ANTXR2: variants seen among roughly 807,000 people sequenced by gnomAD.
The protein encoded by ANTXR2 is ANTXR cell adhesion molecule 2.
In ANTXR2, 44 loss-of-function variants were observed where a neutral mutation model predicts 73.7. The ratio of observed to expected loss-of-function variants is 0.60; its 90% CI spans 0.47 to 0.77. The LOEUF (loss-of-function observed/expected upper bound fraction) is 0.77. Among genes scored for constraint, ANTXR2 ranks in the 30% least tolerant of loss-of-function variants. ANTXR2 has a pLI of 0.00. For synonymous variants in ANTXR2, 217 were observed against 205.9 expected, an observed-to-expected ratio of 1.05 and a Z score of -0.46; for missense variants, 604 against 592.5, an observed-to-expected ratio of 1.02 and a Z score of -0.20.
At chr4:80,070,455 G>A (rs1427738153) in intron 2 of ANTXR2, among the ~76,000 whole-genome samples, 2 of 152,142 alleles carry the variant, frequency 1.3e-5, no homozygotes, top group African/African-American at 4.8e-5. Flanking sequence ...TCACATTGAA[G>A]GATTAAATTA....
intron 16 of ANTXR2, among the ~76,000 whole-genome samples, chr4:79,928,204 T>G (rs1727899753): frequency 6.6e-6 from 1 of 152,180 alleles, no homozygotes; most frequent in Non-Finnish European, 1.5e-5. Context: ...TAGATACATG[T>G]TACAACATGA....
rs188161319 is a variant in ANTXR2 at position 80,040,825 on chromosome 4, C to G, written c.637-4793G>C. ...ATATCACCATGAAAAAGTATACTAT[C>G]GAAGCATCTGTTCACCCAAAAAGTA... On this transcript the variant is annotated intron_variant, in intron 7 of 16. Coordinates refer to ENST00000403729, the MANE Select transcript of ANTXR2 (RefSeq NM_058172.6). Among the ~76,000 whole-genome samples, 8 of 151,648 alleles carry G rather than the reference C, an allele frequency of 5.3e-5. No individual in the cohort carries two copies. The South Asian group carries it at 1.5e-3, about 28-fold the overall frequency.
At chr4:80,054,977 C>T (rs1427597948) in intron 6 of ANTXR2, among the ~76,000 whole-genome samples, 173 bp downstream of exon 6, 1 of 151,666 alleles carries the variant, frequency 6.6e-6, no homozygotes, top group Non-Finnish European at 1.5e-5. Context: ...AGTAACAAAA[C>T]CTATTAAAAT....
At chr4:80,036,400 G>C (rs1732959673) in intron 7 of ANTXR2, among the ~76,000 whole-genome samples, 1 of 152,162 alleles carries the variant, frequency 6.6e-6, no homozygotes. Context: ...TAACAAATCA[G>C]ACCCCCTGTT....
At chr4:80,038,271 T>A (rs1437823969) in intron 7 of ANTXR2, among the ~76,000 whole-genome samples, 1 of 152,166 alleles carries the variant, frequency 6.6e-6, no homozygotes, top group Non-Finnish European at 1.5e-5. Flanking sequence ...TCAATCAGAT[T>A]TCATAATATT....
chr4:80,011,019 C>T (rs543133691), intron 11 of ANTXR2, among the ~76,000 whole-genome samples: 2 of 151,656 alleles, frequency 1.3e-5, no homozygotes, highest in African/African-American at 4.8e-5. Flanking sequence ...TGGTGGTGGG[C>T]GCCTGTAGTC....
At chr4:79,932,205 C>T (rs1354704260) in intron 16 of ANTXR2, among the ~76,000 whole-genome samples, 3 of 152,040 alleles carry the variant, frequency 2.0e-5, no homozygotes, top group African/African-American at 7.2e-5. Flanking sequence ...GGCACTCATA[C>T]ATAATATATG....
At chr4:80,005,078 T>C (rs1731241208) in intron 12 of ANTXR2, among the ~76,000 whole-genome samples, 1 of 152,194 alleles carries the variant, frequency 6.6e-6, no homozygotes, top group Admixed American at 6.6e-5. Context: ...TGACTTAATA[T>C]TTCATATTTT....
intron 16 of ANTXR2, among the ~76,000 whole-genome samples, chr4:79,971,699 G>T (rs1162122407): frequency 2.3e-5 from 1 of 43,556 alleles, no homozygotes; most frequent in Non-Finnish European, 4.3e-5. Context: ...ATGGTGCTGG[G>T]AAAACTGGCT....
chr4:80,061,372 C>A (rs965996021), intron 3 of ANTXR2, among the ~76,000 whole-genome samples: 2 of 152,032 alleles, frequency 1.3e-5, no homozygotes. Flanking sequence ...AAGCCTCACA[C>A]ACTCATGTTG....
chr4:80,034,617 T>A (rs2110085651), intron 8 of ANTXR2, among the ~76,000 whole-genome samples: 1 of 152,288 alleles, frequency 6.6e-6, no homozygotes, highest in African/African-American at 2.4e-5. Context: ...ACTTAAATTC[T>A]ATTTTTCTTA....
intron 10 of ANTXR2, among the ~76,000 whole-genome samples, chr4:80,022,428 G>T (rs952262477): frequency 6.6e-6 from 1 of 152,110 alleles, no homozygotes; most frequent in Admixed American, 6.6e-5. Flanking sequence ...TATGGTACTG[G>T]CACCATCATT....
At chr4:80,045,016 T>C (rs1224754430) in intron 7 of ANTXR2, among the ~76,000 whole-genome samples, 1 of 151,820 alleles carries the variant, frequency 6.6e-6, no homozygotes, top group African/African-American at 2.4e-5. Flanking sequence ...TGAGAAGTTA[T>C]TTGAATTAAT....
intron 12 of ANTXR2, among the ~76,000 whole-genome samples, chr4:79,993,855 G>A (rs1730603157): frequency 6.6e-6 from 1 of 151,342 alleles, no homozygotes; most frequent in South Asian, 2.1e-4. Flanking sequence ...TATCTACTGA[G>A]TCTACCAATC....
chr4:79,975,037 C>T (rs1219719770), intron 16 of ANTXR2, among the ~76,000 whole-genome samples: 1 of 152,136 alleles, frequency 6.6e-6, no homozygotes, highest in African/African-American at 2.4e-5. Context: ...TCTAAACTCA[C>T]ATATTTCTTC....
intron 3 of ANTXR2, among the ~76,000 whole-genome samples, chr4:80,066,522 A>T (rs1734502835): frequency 6.6e-6 from 1 of 152,250 alleles, no homozygotes; most frequent in South Asian, 2.1e-4. Flanking sequence ...CTTTTGGAAT[A>T]TTATAAATCC....
At chr4:79,989,859 T>C (rs1363376113) in intron 12 of ANTXR2, among the ~76,000 whole-genome samples, 1 of 152,080 alleles carries the variant, frequency 6.6e-6, no homozygotes, top group African/African-American at 2.4e-5. Flanking sequence ...ATTCATTACA[T>C]GAACAGAACT....
intron 11 of ANTXR2, among the ~76,000 whole-genome samples, chr4:80,011,610 T>A (rs1341181932): frequency 6.6e-6 from 1 of 152,244 alleles, no homozygotes; most frequent in Non-Finnish European, 1.5e-5. Context: ...GATATAGATC[T>A]ATATGTAATC....
At chr4:80,008,676 T>C in intron 11 of ANTXR2, 60 bp from the exon 12 acceptor site, 3 of 1,060,272 alleles carry the variant, frequency 2.8e-6, no homozygotes, top group Non-Finnish European at 4.0e-6. Context: ...AAATTCCAAA[T>C]GTATATATAT....
Sources: gnomAD v4.1 joint callset for allele counts (sites outside exome capture counted in the v4.1 genomes callset) on GRCh38, gnomAD v4.1.1 for gene constraint, MANE v1.5 for transcripts, NCBI Gene and HGNC (gene_info 2026-07-23, HGNC 2026-07-21) for gene names.